LIMCH1: variants seen among roughly 807,000 people sequenced by gnomAD.
LIMCH1 encodes LIM and calponin homology domains 1.
A neutral mutation model predicts 176.5 loss-of-function variants in LIMCH1; 113 were observed. That is an observed-to-expected ratio of 0.64 (90% CI 0.55 to 0.75). The LOEUF (loss-of-function observed/expected upper bound fraction) is 0.75. Among genes scored for constraint, LIMCH1 ranks in the 30% least tolerant of loss-of-function variants. LIMCH1 has a pLI of 0.00. For missense variants in LIMCH1, 1,674 were observed against 1,814.9 expected (o/e 0.92, Z 1.41); for synonymous variants, 619 against 645.9 (o/e 0.96, Z 0.63).
chr4:41,530,332 T>A (rs1426802098), intron 3 of LIMCH1, among the ~76,000 whole-genome samples: 1 of 152,178 alleles, frequency 6.6e-6, no homozygotes, highest in African/African-American at 2.4e-5. Flanking sequence ...TGTCTAGCTG[T>A]CAAGAAAAGG....
At chr4:41,661,346 T>TA in intron 18 of LIMCH1, 74 bp from the exon 19 acceptor site, 1 of 1,096,972 alleles carries the variant, frequency 9.1e-7, no homozygotes, top group Admixed American at 2.2e-5. Context: ...ACCTAAAAAT[T>TA]ACTGCTTAAA....
At chr4:41,468,369 C>CTCCT (rs1311121453) in intron 1 of LIMCH1, among the ~76,000 whole-genome samples, 9 of 106,830 alleles carry the variant, frequency 8.4e-5, no homozygotes, top group Admixed American at 5.5e-4. Context: ...CCCTCCCTCC[C>CTCCT]CCTCCTCTCT....
chr4:41,483,489 A>G (rs1412513320), intron 1 of LIMCH1, among the ~76,000 whole-genome samples: 3 of 152,078 alleles, frequency 2.0e-5, no homozygotes, highest in Non-Finnish European at 4.4e-5. Flanking sequence ...AAATAGGGAA[A>G]TTGATTACCA....
intron 1 of LIMCH1, among the ~76,000 whole-genome samples, chr4:41,426,825 G>T (rs1013490638): frequency 2.3e-4 from 35 of 152,220 alleles, no homozygotes; most frequent in Non-Finnish European, 1.5e-5. Flanking sequence ...TACAGTTGAC[G>T]TGGGTTTTCC....
Position 41,650,538 on chromosome 4 carries a change from A to G in LIMCH1, c.2966A>G (p.Glu989Gly). 1 of 1,614,078 alleles carries G rather than the reference A, an allele frequency of 6.2e-7. No individual in the cohort carries two copies. Among genetic ancestry groups the G allele is most frequent in the Non-Finnish European group, 8.5e-7 (1 of 1,180,014 alleles). ...GCCAGAGTGCACGGGTCTCCACTGGAGCTGAAACAAGACAACGGTAGCATC... is the reference window on the plus strand; with the variant it reads ...GCCAGAGTGCACGGGTCTCCACTGGGGCTGAAACAAGACAACGGTAGCATC... ...GVARVHGSPLELKQDNGSIEI... is the reference protein window; with the variant it reads ...GVARVHGSPLGLKQDNGSIEI... Residue 989 changes from glutamate (E) to glycine (G), a missense_variant, in exon 18 of 32, where the codon GAG becomes GGG. Glu to Gly is a moderately conservative substitution (Grantham distance 98). Around this residue, in one of 3 missense-constraint regions of LIMCH1, gnomAD observed 1,015 missense variants for 1,102.5 expected, o/e 0.92. Transcript: ENST00000503057.
intron 1 of LIMCH1, among the ~76,000 whole-genome samples, chr4:41,367,254 G>A (rs1312714432): frequency 6.6e-6 from 1 of 152,170 alleles, no homozygotes; most frequent in East Asian, 1.9e-4. Flanking sequence ...ATCAGGAAAA[G>A]GACAGATGAT....
chr4:41,638,837 G>T, intron 13 of LIMCH1, 95 bp from the exon 14 acceptor site: 1 of 971,810 alleles, frequency 1.0e-6, no homozygotes, highest in Non-Finnish European at 1.7e-6. Flanking sequence ...AAGGTTTGGC[G>T]CACATGTATT....
At chr4:41,397,120 T>C (rs913772790) in intron 1 of LIMCH1, among the ~76,000 whole-genome samples, 15 of 152,178 alleles carry the variant, frequency 9.9e-5, no homozygotes, top group South Asian at 8.3e-4. Flanking sequence ...GGTTTGGTCA[T>C]GGCTAATGTT....
chr4:41,436,502 G>A (rs771936405), intron 1 of LIMCH1, among the ~76,000 whole-genome samples: 72 of 152,192 alleles, frequency 4.7e-4, no homozygotes, highest in Admixed American at 2.0e-4. Context: ...TGCTGTGAGA[G>A]ATTTTTTCCT....
chr4:41,583,000 G>A (rs1445033484), intron 1 of LIMCH1, among the ~76,000 whole-genome samples: 1 of 152,104 alleles, frequency 6.6e-6, no homozygotes, highest in African/African-American at 2.4e-5. Flanking sequence ...ACAGTTCAAT[G>A]GTGTTAATAC....
At chr4:41,603,981 T>C in intron 3 of LIMCH1, 76 bp downstream of exon 3, 1 of 1,273,998 alleles carries the variant, frequency 7.8e-7, no homozygotes. Context: ...GTTTCTCATA[T>C]GCCTTGCTGG....
intron 31 of LIMCH1, among the ~76,000 whole-genome samples, chr4:41,693,632 A>G (rs1367861364): frequency 1.3e-5 from 2 of 151,388 alleles, no homozygotes; most frequent in African/African-American, 2.4e-5. Flanking sequence ...TACATGTATA[A>G]TAGGTAATAA....
At chr4:41,501,405 A>G (rs999161594) in intron 2 of LIMCH1, among the ~76,000 whole-genome samples, 11 of 152,190 alleles carry the variant, frequency 7.2e-5, no homozygotes, top group Non-Finnish European at 1.3e-4. Context: ...GTGAACATGA[A>G]GTGGTGTAAT....
intron 18 of LIMCH1, among the ~76,000 whole-genome samples, chr4:41,656,518 C>G (rs2094467728): frequency 6.6e-6 from 1 of 152,060 alleles, no homozygotes; most frequent in African/African-American, 2.4e-5. Context: ...TGGGTCAAAA[C>G]CTCATTTTTT....
chr4:41,547,538 C>T (rs1027475002), intron 1 of LIMCH1, among the ~76,000 whole-genome samples: 5 of 150,206 alleles, frequency 3.3e-5, no homozygotes, highest in African/African-American at 4.9e-5. Context: ...ATTTTTTCAT[C>T]TGTAAAATGA....
At chr4:41,491,956 C>T (rs918445258) in intron 1 of LIMCH1, among the ~76,000 whole-genome samples, 56 of 151,664 alleles carry the variant, frequency 3.7e-4, no homozygotes, top group East Asian at 3.9e-4. Context: ...ACATCCCAGA[C>T]GATGGGCGGC....
In LIMCH1 at chr4:41,567,781, C is replaced by CT. The variant is rs776671269; in HGVS notation, c.-241+29438dup. Among the ~76,000 whole-genome samples, 65 of 152,216 alleles carry CT rather than the reference C, an allele frequency of 4.3e-4. 1 individual carries two copies. Among genetic ancestry groups the CT allele is most frequent in the African/African-American group, 1.5e-3 (62 of 41,520 alleles). ...ACTTGTTTGGTAGTAATAAATAGCTCTTTTTTTAGAAATCTTGTGCTTAAG... is the reference window on the plus strand; with the variant it reads ...ACTTGTTTGGTAGTAATAAATAGCTCTTTTTTTTAGAAATCTTGTGCTTAAG... On this transcript the variant is annotated intron_variant, in intron 1 of 31. Transcript: ENST00000503057.
chr4:41,559,982 T>C (rs747827847), intron 1 of LIMCH1, among the ~76,000 whole-genome samples: 1 of 152,176 alleles, frequency 6.6e-6, no homozygotes, highest in Non-Finnish European at 1.5e-5. Flanking sequence ...CCGATCTCTT[T>C]CCAGGGCTTA....
chr4:41,664,000 A>C (rs527329868), intron 20 of LIMCH1, among the ~76,000 whole-genome samples: 1 of 152,164 alleles, frequency 6.6e-6, no homozygotes, highest in African/African-American at 2.4e-5. Context: ...TGATTATACC[A>C]CTGCACTCTA....
Sources: allele counts gnomAD v4.1 joint callset (sites outside exome capture counted in the v4.1 genomes callset), GRCh38; gene constraint gnomAD v4.1.1; regional missense constraint gnomAD v4.1.1; transcripts MANE v1.5; gene names NCBI Gene and HGNC (gene_info 2026-07-23, HGNC 2026-07-21).